GMDS: variants seen among roughly 807,000 people sequenced by gnomAD.
GMDS encodes GDP-mannose 4,6-dehydratase.
Under a neutral mutation model 49.9 loss-of-function variants are expected in GMDS, and 20 were observed. The ratio of observed to expected loss-of-function variants is 0.40; its 90% CI spans 0.28 to 0.58. The LOEUF (loss-of-function observed/expected upper bound fraction) is 0.58, where lower values mean the gene tolerates loss of function less well. Ranked by LOEUF, GMDS falls within the 20% of genes least tolerant of loss-of-function variation. The pLI is 0.42. For missense variants in GMDS, 362 were observed against 481.4 expected (o/e 0.75, Z 2.32); for synonymous variants, 177 against 178.6 (o/e 0.99, Z 0.07).
intron 4 of GMDS, among the ~76,000 whole-genome samples, chr6:2,028,426 G>T (rs1768738369): frequency 6.6e-6 from 1 of 152,034 alleles, no homozygotes; most frequent in Non-Finnish European, 1.5e-5. Flanking sequence ...TTTATAATAG[G>T]AAAAAATGAC....
chr6:2,039,560 A>G (rs1373592237), intron 4 of GMDS, among the ~76,000 whole-genome samples: 1 of 152,104 alleles, frequency 6.6e-6, no homozygotes, highest in Non-Finnish European at 1.5e-5. Flanking sequence ...TCCTTATTCT[A>G]TAAGGTTTTT....
At chr6:1,975,455 A>C (rs578255988) in intron 4 of GMDS, among the ~76,000 whole-genome samples, 6 of 152,190 alleles carry the variant, frequency 3.9e-5, no homozygotes, top group East Asian at 1.9e-4. Context: ...ACCCCACTAT[A>C]ATCAGGAAAC....
intron 4 of GMDS, among the ~76,000 whole-genome samples, chr6:2,017,867 C>G (rs1387294670): frequency 6.6e-6 from 1 of 151,934 alleles, no homozygotes; most frequent in African/African-American, 2.4e-5. Context: ...CCAAAAAAGT[C>G]AAATCTAAAA....
intron 1 of GMDS, among the ~76,000 whole-genome samples, chr6:2,240,335 A>G (rs952464122): frequency 6.6e-6 from 1 of 152,246 alleles, no homozygotes; most frequent in Non-Finnish European, 1.5e-5. Context: ...GGGAAGGTCC[A>G]TTCCAGTAAT....
intron 7 of GMDS, among the ~76,000 whole-genome samples, chr6:1,769,282 A>T (rs529334245): frequency 1.2e-4 from 19 of 152,258 alleles, no homozygotes; most frequent in Non-Finnish European, 2.6e-4. Context: ...ATGCAGTCTA[A>T]CTTGTGAGTA....
At chr6:1,724,531 T>C (rs140179159) in intron 9 of GMDS, among the ~76,000 whole-genome samples, 2 of 152,292 alleles carry the variant, frequency 1.3e-5, no homozygotes, top group East Asian at 1.9e-4. Flanking sequence ...TATTTTGGTG[T>C]CAGAGAGGGA....
At chr6:1,703,009 G>C (rs1010871942) in intron 9 of GMDS, among the ~76,000 whole-genome samples, 2 of 152,180 alleles carry the variant, frequency 1.3e-5, no homozygotes, top group Admixed American at 1.3e-4. Flanking sequence ...GAGATGAGTT[G>C]AAGTGCTGAA....
chr6:1,762,503 A>G (rs529335579), intron 7 of GMDS, among the ~76,000 whole-genome samples: 117 of 152,370 alleles, frequency 7.7e-4, no homozygotes, highest in African/African-American at 2.5e-3. Context: ...TTGTAGACAT[A>G]TAAGTTAATC....
intron 7 of GMDS, among the ~76,000 whole-genome samples, chr6:1,926,308 GCA>G (rs1419700945): frequency 6.6e-6 from 1 of 152,026 alleles, no homozygotes; most frequent in Admixed American, 6.5e-5. Context: ...TAACACATGC[GCA>G]CAGAGGCTTC....
intron 7 of GMDS, among the ~76,000 whole-genome samples, chr6:1,803,354 A>C (rs1299415283): frequency 6.6e-6 from 1 of 152,188 alleles, no homozygotes; most frequent in Admixed American, 6.5e-5. Context: ...AACACCAGTC[A>C]ATGTATTTCT....
chr6:1,926,924 C>T (rs1297329517), intron 7 of GMDS, among the ~76,000 whole-genome samples: 4 of 152,214 alleles, frequency 2.6e-5, no homozygotes, highest in African/African-American at 7.2e-5. Flanking sequence ...AGGAGAATGA[C>T]CTAACTTTCT....
intron 7 of GMDS, among the ~76,000 whole-genome samples, chr6:1,756,242 C>T (rs2113534612): frequency 6.7e-6 from 1 of 150,348 alleles, no homozygotes; most frequent in Admixed American, 6.6e-5. Flanking sequence ...CCCAAAGCTT[C>T]ATGGCTGCAG....
At chr6:1,840,968 C>G (rs1234307821) in intron 7 of GMDS, among the ~76,000 whole-genome samples, 1 of 152,142 alleles carries the variant, frequency 6.6e-6, no homozygotes, top group Non-Finnish European at 1.5e-5. Context: ...AAGTTACAAA[C>G]AAACAGGACA....
chr6:1,817,552 G>C (rs1392191229), intron 7 of GMDS, among the ~76,000 whole-genome samples: 8 of 152,188 alleles, frequency 5.3e-5, no homozygotes, highest in Admixed American at 5.2e-4. Flanking sequence ...CATGCTTACA[G>C]AAGTAGTTAT....
At chr6:2,026,307 C>T (rs1304125350) in intron 4 of GMDS, among the ~76,000 whole-genome samples, 1 of 152,196 alleles carries the variant, frequency 6.6e-6, no homozygotes, top group East Asian at 1.9e-4. Context: ...AAGCACACAC[C>T]TTCACTCTCC....
At chr6:1,669,795 C>A (rs1208373696) in intron 9 of GMDS, among the ~76,000 whole-genome samples, 1 of 150,908 alleles carries the variant, frequency 6.6e-6, no homozygotes, top group Non-Finnish European at 1.5e-5. Flanking sequence ...CGCCTGTAAT[C>A]AAAGCTACTA....
chr6:2,189,588 G>A (rs77112391), intron 1 of GMDS, among the ~76,000 whole-genome samples: 2,253 of 152,244 alleles, frequency 0.015, 66 homozygotes, highest in African/African-American at 0.051. Flanking sequence ...ACTGCCCTCT[G>A]TGCTCTGCTC....
At chr6:1,887,040 A>T (rs1472586756) in intron 7 of GMDS, among the ~76,000 whole-genome samples, 3 of 152,188 alleles carry the variant, frequency 2.0e-5, no homozygotes, top group African/African-American at 7.2e-5. Context: ...CTTCTATCAG[A>T]TCCATTTCAC....
intron 1 of GMDS, among the ~76,000 whole-genome samples, chr6:2,219,723 A>G (rs186380223): frequency 2.6e-5 from 4 of 152,314 alleles, no homozygotes; most frequent in Admixed American, 6.5e-5. Context: ...CACCAACTTA[A>G]ACCAGAAACT....
Sources: gnomAD v4.1 joint callset for allele counts (sites outside exome capture counted in the v4.1 genomes callset) on GRCh38, gnomAD v4.1.1 for gene constraint, MANE v1.5 for transcripts, NCBI Gene and HGNC (gene_info 2026-07-23, HGNC 2026-07-21) for gene names.